Variants in VPS35L observed in about 807,000 individuals in gnomAD.
VPS35L encodes the protein VPS35 endosomal protein-sorting factor-like.
VPS35L carries 83 observed loss-of-function variants against 133.0 expected under a neutral mutation model. The observed-to-expected ratio is 0.62, with a 90% CI of 0.52 to 0.75. The LOEUF is 0.75. VPS35L is among the 30% of genes least tolerant of loss of function. The pLI is 0.00. For missense variants in VPS35L, 1,083 were observed against 1,206.8 expected, an observed-to-expected ratio of 0.90 and a Z score of 1.52; for synonymous variants, 423 against 449.9, an observed-to-expected ratio of 0.94 and a Z score of 0.76.
In VPS35L at chr16:19,628,782, TTTA is replaced by T. The variant is rs767716940; in HGVS notation, c.1500+32_1500+34del. On this transcript the variant is annotated intron_variant, in intron 17 of 30. Transcript: ENST00000417362. ...AGTGGCCATTTTATTTTTATTTTTATTTATTTATTTATTTATTTATTTATTTTG... is the reference window on the plus strand; with the variant it reads ...AGTGGCCATTTTATTTTTATTTTTATTTTATTTATTTATTTATTTATTTTG... 4.1e-4 allele frequency: 286 copies of T among 699,770 alleles called. 1 individual carries two copies. The highest frequency in any genetic ancestry group is 4.9e-4 in the Non-Finnish European group (264 of 537,424). 43.3% of individuals were successfully genotyped at this position (699,770 alleles called of 1,614,324 possible). A position where few individuals can be genotyped will look rare whatever the true frequency, so the allele number is the denominator to read the frequency against.
At chr16:19,650,763 A>G (rs958284998) in intron 25 of VPS35L, among the ~76,000 whole-genome samples, 2 of 152,068 alleles carry the variant, frequency 1.3e-5, no homozygotes, top group South Asian at 2.1e-4. Flanking sequence ...CTAATATAAG[A>G]CATATTTTAT....
intron 26 of VPS35L, among the ~76,000 whole-genome samples, chr16:19,663,622 C>T (rs1265086559): frequency 1.6e-5 from 2 of 122,034 alleles, no homozygotes; most frequent in African/African-American, 6.4e-5. Context: ...CTGCCTTATG[C>T]TCTTTATTAG....
At chr16:19,665,006 A>G (rs1181590305) in intron 26 of VPS35L, among the ~76,000 whole-genome samples, 1 of 152,064 alleles carries the variant, frequency 6.6e-6, no homozygotes, top group Non-Finnish European at 1.5e-5. Context: ...CTCTAGTGGA[A>G]CCAGGACAAT....
chr16:19,575,850 C>T (rs1971515171), intron 5 of VPS35L, among the ~76,000 whole-genome samples: 1 of 138,826 alleles, frequency 7.2e-6, no homozygotes, highest in Admixed American at 7.5e-5. Context: ...AGTGAAATTC[C>T]GTATTAAAAA....
chr16:19,637,766 TC>T lies in VPS35L; in HGVS notation c.1698+112del, dbSNP rs1000876585. On this transcript the variant is annotated intron_variant, in intron 20 of 30. Transcript: ENST00000417362. ...CAGGCCAAAAGAAATATTCAGCAGT[TC>T]CTTTTATAAAGTAGTTAAGTCTGAT... is the stretch of plus-strand genomic sequence containing the variant. The T allele has an allele frequency of 6.0e-5, 44 of 728,652 alleles. No individual in the cohort carries two copies. The African/African-American group carries it at 7.3e-4, about 12-fold the overall frequency. The allele number at this position is 728,652 out of a possible 1,614,324, so 45.1% of individuals were successfully genotyped here.
chr16:19,692,615 G>C (rs1279091363), intron 29 of VPS35L, among the ~76,000 whole-genome samples: 3 of 152,028 alleles, frequency 2.0e-5, no homozygotes, highest in Admixed American at 6.6e-5. Context: ...CCAGGCTGGA[G>C]TGCAATGGCA....
At chr16:19,593,056 C>T (rs1719027527) in intron 8 of VPS35L, among the ~76,000 whole-genome samples, 1 of 152,124 alleles carries the variant, frequency 6.6e-6, no homozygotes, top group African/African-American at 2.4e-5. Flanking sequence ...ACTGTGGCTG[C>T]CCCTAGTCCC....
intron 14 of VPS35L, among the ~76,000 whole-genome samples, chr16:19,621,896 G>A (rs1973093267): frequency 6.6e-6 from 1 of 152,080 alleles, no homozygotes; most frequent in Non-Finnish European, 1.5e-5. Flanking sequence ...AGAATCTTTT[G>A]TCCATATGTT....
At chr16:19,587,711 C>T (rs1009440923) in intron 7 of VPS35L, among the ~76,000 whole-genome samples, 3 of 151,644 alleles carry the variant, frequency 2.0e-5, no homozygotes, top group Non-Finnish European at 4.4e-5. Context: ...AAAAATCAAT[C>T]GACCATAAAT....
chr16:19,608,174 A>G lies in VPS35L; in HGVS notation c.785-4A>G, dbSNP rs766852632. 4 of 1,608,970 alleles carry G rather than the reference A, an allele frequency of 2.5e-6. No individual in the cohort carries two copies. In the African/African-American group the frequency reaches 4.0e-5, roughly 16 times the overall value. On this transcript the variant is annotated splice_region_variant and splice_polypyrimidine_tract_variant and intron_variant, in intron 9 of 30. Coordinates refer to ENST00000417362, the MANE Select transcript of VPS35L (RefSeq NM_020314.7). ...GCTGATGGATCTTGTTTTTTGTATT[A>G]CAGATCACTTTTCTCCAGAGAATGC...
At chr16:19,697,146 C>T (rs560261554) in intron 29 of VPS35L, among the ~76,000 whole-genome samples, 5 of 152,308 alleles carry the variant, frequency 3.3e-5, no homozygotes, top group South Asian at 2.1e-4. Context: ...TTGTAGCCCG[C>T]GGGCCTGGGC....
intron 28 of VPS35L, among the ~76,000 whole-genome samples, chr16:19,687,204 T>A (rs1235697159): frequency 6.6e-6 from 1 of 152,178 alleles, no homozygotes; most frequent in African/African-American, 2.4e-5. Context: ...AACACACCTC[T>A]GGCCCCTTGG....
chr16:19,586,998 A>G (rs775532232), intron 7 of VPS35L, among the ~76,000 whole-genome samples: 5 of 152,212 alleles, frequency 3.3e-5, no homozygotes, highest in African/African-American at 1.2e-4. Context: ...TGCAGGCTGT[A>G]TAGGAAGCAT....
chr16:19,631,252 A>T (rs1051037036), intron 18 of VPS35L, among the ~76,000 whole-genome samples: 1 of 152,132 alleles, frequency 6.6e-6, no homozygotes, highest in Non-Finnish European at 1.5e-5. Context: ...ACATGCAAAA[A>T]AGTGCACGTA....
intron 12 of VPS35L, among the ~76,000 whole-genome samples, chr16:19,612,613 A>G (rs1049330115): frequency 1.3e-5 from 2 of 152,192 alleles, no homozygotes; most frequent in African/African-American, 4.8e-5. Flanking sequence ...AATGCTTTGA[A>G]CACACCTTGA....
rs1567470469 is a variant in VPS35L at position 19,666,920 on chromosome 16, CT to C, written c.2222-2237del. Among the ~76,000 whole-genome samples the C allele has an allele frequency of 7.5e-3, 832 of 111,014 alleles. 7 individuals carry two copies. Among genetic ancestry groups the C allele is most frequent in the Admixed American group, 0.031 (317 of 10,376 alleles). The allele number at this position is 111,014 out of a possible 152,430, so 72.8% of individuals were successfully genotyped here. A position where few individuals can be genotyped will look rare whatever the true frequency, so the allele number is the denominator to read the frequency against. ...TCTTTCTTTCTTTCTTTCTTTCTTT[CT>C]TTCTTTCTTTCTTCCTTTCTTCCTT... On this transcript the variant is annotated intron_variant, in intron 26 of 30. Coordinates refer to ENST00000417362, the MANE Select transcript of VPS35L (RefSeq NM_020314.7).
chr16:19,684,514 T>G lies in VPS35L; in HGVS notation c.2527+2124T>G, dbSNP rs114127886. On this transcript the variant is annotated intron_variant, in intron 28 of 30. Transcript: ENST00000417362. The stretch of plus-strand genomic sequence containing the variant: ...CAGGGAGGCTGGTTCATAGCAAGAA[T>G]GATGGCGCCTACCCTGATCTGAGCA... Among the ~76,000 whole-genome samples, 701 of 152,330 alleles carry G rather than the reference T, an allele frequency of 4.6e-3. 8 individuals carry two copies. The highest frequency in any genetic ancestry group is 0.015 in the African/African-American group (631 of 41,572).
Position 19,650,450 on chromosome 16 carries a change from A to C in VPS35L, c.2097A>C (p.Ala699=), listed in dbSNP as rs1326392860. 8.1e-6 allele frequency: 13 copies of C among 1,613,264 alleles called. No homozygotes were observed. Among genetic ancestry groups the C allele is most frequent in the Non-Finnish European group, 9.3e-6 (11 of 1,179,346 alleles). The change falls in exon 25 of 31, where the codon GCA becomes GCC. Residue 699 remains alanine, a synonymous_variant. Coordinates refer to ENST00000417362, the MANE Select transcript of VPS35L (RefSeq NM_020314.7). ...MKGNHSRKTA[A]FVRACVAYCF... is the part of the protein sequence containing the mutation. ...GAAATCATTCCAGAAAGACAGCTGC[A>C]TTTGTCCGGGTATGTTCTTAAGATA...
At chr16:19,683,393 T>C (rs183642945) in intron 28 of VPS35L, among the ~76,000 whole-genome samples, 6 of 152,336 alleles carry the variant, frequency 3.9e-5, no homozygotes, top group Non-Finnish European at 8.8e-5. Flanking sequence ...ATGCTGAGGT[T>C]TGGGGTGCAA....
Sources: allele counts gnomAD v4.1 joint callset (sites outside exome capture counted in the v4.1 genomes callset), GRCh38; gene constraint gnomAD v4.1.1; transcripts MANE v1.5; gene names NCBI Gene and HGNC (gene_info 2026-07-23, HGNC 2026-07-21).